Variants in ACSL1 observed in about 807,000 individuals in gnomAD.
The protein encoded by ACSL1 is long-chain-fatty-acid--CoA ligase 1.
A neutral mutation model predicts 98.4 loss-of-function variants in ACSL1; 41 were observed. The ratio of observed to expected loss-of-function variants is 0.42; its 90% confidence interval spans 0.32 to 0.54. ACSL1 has a LOEUF of 0.54. Among genes scored for constraint, ACSL1 ranks in the 20% least tolerant of loss-of-function variants. ACSL1 has a pLI of 0.13. For missense variants in ACSL1, 734 were observed against 883.1 expected (o/e 0.83, Z 2.14); for synonymous variants, 316 against 322.7 (o/e 0.98, Z 0.22).
At chr4:184,822,204 G>C (rs1202279429) in intron 1 of ACSL1, among the ~76,000 whole-genome samples, 10 of 151,774 alleles carry the variant, frequency 6.6e-5, no homozygotes, top group Non-Finnish European at 1.5e-4. Context: ...CTGTTGCCCA[G>C]GCTGGTCTTG....
intron 4 of ACSL1, among the ~76,000 whole-genome samples, chr4:184,783,049 G>A (rs772413645): frequency 1.5e-4 from 23 of 152,340 alleles, no homozygotes; most frequent in Middle Eastern, 6.8e-3. Flanking sequence ...GGCCAGGGAC[G>A]GGAGCCTTTC....
intron 2 of ACSL1, among the ~76,000 whole-genome samples, chr4:184,800,079 C>A (rs758660020): frequency 1.2e-4 from 18 of 152,136 alleles, no homozygotes; most frequent in Admixed American, 3.3e-4. Context: ...ACTCAGTTTT[C>A]TTGTGTATAA....
chr4:184,774,157 A>AAT (rs1313148034), intron 7 of ACSL1, among the ~76,000 whole-genome samples: 1 of 152,208 alleles, frequency 6.6e-6, no homozygotes, highest in African/African-American at 2.4e-5. Flanking sequence ...GTATTAAAAA[A>AAT]ACAGCAGCCA....
chr4:184,798,117 C>T (rs1215359822), intron 2 of ACSL1, among the ~76,000 whole-genome samples: 1 of 152,100 alleles, frequency 6.6e-6, no homozygotes, highest in Non-Finnish European at 1.5e-5. Context: ...TCAGTTATAC[C>T]CAAGGAACTG....
At position 184,765,937 on chromosome 4, in the gene ACSL1, A is replaced by C. The variant is rs1763526844; in HGVS notation, c.1313T>G (p.Val438Gly). 1 of 1,613,930 alleles carries C rather than the reference A, an allele frequency of 6.2e-7. No homozygotes were observed. The highest frequency in any genetic ancestry group is 8.5e-7 in the Non-Finnish European group (1 of 1,180,012). ...GAGGAACGTCAGCACAGTGGCAGACACCGGGGCGGCTCCTGTCACCATCAG... is the reference window on the plus strand; with the variant it reads ...GAGGAACGTCAGCACAGTGGCAGACCCCGGGGCGGCTCCTGTCACCATCAG... ...VRLMVTGAAP[V>G]SATVLTFLRA... Residue 438 changes from valine to glycine, a missense_variant, in exon 14 of 21, where the codon GTG becomes GGG. Physicochemically the swap from Val to Gly is moderately radical, Grantham distance 109. Transcript: ENST00000281455.
Position 184,756,996 on chromosome 4 carries a change from G to C in ACSL1, c.*129C>G, listed in dbSNP as rs570868050. ...CTAGCATTCCTATGAGAAGAACCCCGAATGGACAAGTCAAACACGAACGCT... is the reference window on the plus strand; with the variant it reads ...CTAGCATTCCTATGAGAAGAACCCCCAATGGACAAGTCAAACACGAACGCT... On this transcript the variant is annotated 3_prime_UTR_variant, in exon 21 of 21. Transcript: ENST00000281455. 4 of 1,202,302 alleles carry C rather than the reference G, an allele frequency of 3.3e-6. No individual in the cohort carries two copies. The African/African-American group carries it at 6.1e-5, about 18-fold the overall frequency. 74.5% of individuals were successfully genotyped at this position (1,202,302 alleles called of 1,614,324 possible). A position where few individuals can be genotyped will look rare whatever the true frequency, so the allele number is the denominator to read the frequency against.
chr4:184,757,651 A>G lies in ACSL1; in HGVS notation c.1940T>C (p.Leu647Pro). The change falls in exon 20 of 21, where the codon CTG becomes CCG. Residue 647 changes from leucine (L) to proline (P), a missense_variant. Coordinates refer to ENST00000281455, the MANE Select transcript of ACSL1 (RefSeq NM_001995.5). This position sits in a 1 kb window ranked among gnomAD's most constrained non-coding sequence, Gnocchi z 4.5. ...DMVRLGKDSG[L>P]KPFEQVKGIT... The stretch of plus-strand genomic sequence containing the variant: ...AGGTCATACCTGTTCAAATGGTTTC[A>G]GACCAGAATCCTTCCCAAGTCTCAC... 1 of 1,613,986 alleles carries G rather than the reference A, an allele frequency of 6.2e-7. No homozygotes were observed. The highest frequency in any genetic ancestry group is 8.5e-7 in the Non-Finnish European group (1 of 1,179,956).
intron 12 of ACSL1, among the ~76,000 whole-genome samples, chr4:184,767,160 C>T (rs144685867): frequency 7.2e-5 from 11 of 151,762 alleles, no homozygotes; most frequent in African/African-American, 1.7e-4. Context: ...CACATGCCTG[C>T]GGTCCCAGCT....
At position 184,776,757 on chromosome 4, in the gene ACSL1, C is replaced by A; in HGVS notation, c.578-95G>T. ...ACAAGGATACTTGAAGTACTACATTCTTTGAATAAAAAGGTAGATATATAT... is the reference window on the plus strand; with the variant it reads ...ACAAGGATACTTGAAGTACTACATTATTTGAATAAAAAGGTAGATATATAT... On this transcript the variant is annotated intron_variant, in intron 6 of 20. Coordinates refer to ENST00000281455, the MANE Select transcript of ACSL1 (RefSeq NM_001995.5). The A allele has an allele frequency of 2.0e-6, 3 of 1,490,658 alleles. No individual in the cohort carries two copies. The East Asian group carries it at 7.0e-5, about 35-fold the overall frequency. 92.3% of individuals were successfully genotyped at this position (1,490,658 alleles called of 1,614,324 possible). A position where few individuals can be genotyped will look rare whatever the true frequency, so the allele number is the denominator to read the frequency against.
chr4:184,788,523 C>T lies in ACSL1; in HGVS notation c.310+94G>A, dbSNP rs764872674. The T allele has an allele frequency of 6.3e-5, 65 of 1,032,922 alleles. No homozygotes were observed. In the Middle Eastern group the frequency reaches 1.0e-3, roughly 16 times the overall value. 64.0% of individuals were successfully genotyped at this position (1,032,922 alleles called of 1,614,324 possible). On this transcript the variant is annotated intron_variant, in intron 3 of 20. Transcript: ENST00000281455. ...AGGGGCCTGAGCGATCCTAAGGAGG[C>T]GAAAGATAGGAGCAAATGTGCATTT...
intron 18 of ACSL1, among the ~76,000 whole-genome samples, chr4:184,759,397 G>A (rs556768007): frequency 2.5e-4 from 38 of 152,262 alleles, no homozygotes; most frequent in African/African-American, 8.2e-4. Flanking sequence ...AGAGCGAACA[G>A]GCAACCTACA....
chr4:184,768,187 C>G lies in ACSL1; in HGVS notation c.1128+129G>C, dbSNP rs577201715. ...CATTCTAACTTTACAGATGAGTAAA[C>G]TGAAGTTCTGTAAGATTGGGAGGAT... On this transcript the variant is annotated intron_variant, in intron 12 of 20. Transcript: ENST00000281455. 9 of 1,000,462 alleles carry G rather than the reference C, an allele frequency of 9.0e-6. No homozygotes were observed. The South Asian group carries it at 1.5e-4, about 17-fold the overall frequency. The allele number at this position is 1,000,462 out of a possible 1,614,324, so 62.0% of individuals were successfully genotyped here. A position where few individuals can be genotyped will look rare whatever the true frequency, so the allele number is the denominator to read the frequency against.
chr4:184,762,555 T>C, intron 16 of ACSL1, 32 bp from the exon 17 acceptor site: 1 of 1,584,896 alleles, frequency 6.3e-7, no homozygotes, highest in Non-Finnish European at 8.7e-7. Flanking sequence ...GTGAACAGCA[T>C]TTACTGGGGT....
intron 1 of ACSL1, among the ~76,000 whole-genome samples, chr4:184,814,806 A>G (rs1328626802): frequency 2.6e-5 from 4 of 152,148 alleles, no homozygotes; most frequent in African/African-American, 9.7e-5. Flanking sequence ...ATATGTAGCT[A>G]TGCTTTGCCC....
Position 184,776,647 on chromosome 4 carries a change from A to G in ACSL1, c.593T>C (p.Val198Ala). The G allele has an allele frequency of 6.2e-7, 1 of 1,611,344 alleles. No individual in the cohort carries two copies. Among genetic ancestry groups the G allele is most frequent in the Non-Finnish European group, 8.5e-7 (1 of 1,179,770 alleles). The change falls in exon 7 of 21, where the codon GTT (valine) becomes GCT (alanine). Residue 198 changes from valine (V) to alanine (A), a missense_variant. Physicochemically the swap from Val to Ala is moderately conservative, Grantham distance 64. Transcript: ENST00000281455. ...GGCCTTCTCTGGCTTGTCAACAAAAACCAGAGAGAGTTCAGCTGTAAATGA... is the reference window on the plus strand; with the variant it reads ...GGCCTTCTCTGGCTTGTCAACAAAAGCCAGAGAGAGTTCAGCTGTAAATGA... ...YIVNKAELSLVFVDKPEKAKL... is the reference protein window; with the variant it reads ...YIVNKAELSLAFVDKPEKAKL...
chr4:184,762,894 G>A (rs545789529), intron 16 of ACSL1, among the ~76,000 whole-genome samples: 55 of 152,310 alleles, frequency 3.6e-4, no homozygotes, highest in African/African-American at 1.3e-3. Context: ...TTCGTCCCAG[G>A]AACTGAGGCC....
chr4:184,759,444 A>G (rs374433073), intron 18 of ACSL1, among the ~76,000 whole-genome samples: 1 of 152,254 alleles, frequency 6.6e-6, no homozygotes, highest in East Asian at 1.9e-4. Context: ...CTCATCTGAC[A>G]AAGGGCTAAT....
rs371760763 is a variant in ACSL1 at position 184,773,806 on chromosome 4, A to C, written c.789+37T>G. 4.3e-6 allele frequency: 7 copies of C among 1,613,742 alleles called. No homozygotes were observed. Among genetic ancestry groups the C allele is most frequent in the Non-Finnish European group, 5.9e-6 (7 of 1,179,884 alleles). On this transcript the variant is annotated intron_variant, in intron 8 of 20. Coordinates refer to ENST00000281455, the MANE Select transcript of ACSL1 (RefSeq NM_001995.5). The surrounding 1 kb of genome is among the most constrained non-coding windows in gnomAD (Gnocchi z 4.3). ...TACCAGGCTAGATATTGAAAACTACAAAGAGGACAGAGCAGGGTCTGACAC... is the reference window on the plus strand; with the variant it reads ...TACCAGGCTAGATATTGAAAACTACCAAGAGGACAGAGCAGGGTCTGACAC...
intron 5 of ACSL1, among the ~76,000 whole-genome samples, chr4:184,779,773 T>C (rs1182746110): frequency 6.6e-6 from 1 of 152,256 alleles, no homozygotes; most frequent in African/African-American, 2.4e-5. Flanking sequence ...AAGGATTTTA[T>C]TTGGGAACCT....
Sources: allele counts gnomAD v4.1 joint callset (sites outside exome capture counted in the v4.1 genomes callset), GRCh38; gene constraint gnomAD v4.1.1; non-coding constraint Gnocchi (gnomAD v3.1); transcripts MANE v1.5; gene names NCBI Gene and HGNC (gene_info 2026-07-23, HGNC 2026-07-21).